The following CEMIP variants were observed in gnomAD, a reference collection of about 807,000 sequenced individuals.
CEMIP encodes the protein cell migration inducing hyaluronidase 1.
In CEMIP, 105 loss-of-function variants were observed where a neutral mutation model predicts 156.9. The ratio of observed to expected loss-of-function variants is 0.67; its 90% CI spans 0.57 to 0.79. The LOEUF (loss-of-function observed/expected upper bound fraction) is 0.79, where lower values mean the gene tolerates loss of function less well. CEMIP is among the 30% of genes least tolerant of loss of function. CEMIP has a pLI of 0.00. For synonymous variants in CEMIP, 676 were observed against 668.4 expected (o/e 1.01, Z -0.17); for missense variants, 1,457 against 1,769.4 (o/e 0.82, Z 3.17).
chr15:80,822,810 G>A (rs927184105), intron 1 of CEMIP, among the ~76,000 whole-genome samples: 2 of 152,140 alleles, frequency 1.3e-5, no homozygotes, highest in African/African-American at 4.8e-5. Flanking sequence ...TCTCCCCAAC[G>A]TGGTGCCATT....
At chr15:80,838,371 C>T (rs1033211788) in intron 1 of CEMIP, among the ~76,000 whole-genome samples, 10 of 151,952 alleles carry the variant, frequency 6.6e-5, no homozygotes, top group African/African-American at 2.2e-4. Context: ...CAGCCGTTTT[C>T]AAATGTTTGT....
chr15:80,922,152 G>C lies in CEMIP; in HGVS notation c.2202+15G>C. On this transcript the variant is annotated intron_variant, in intron 17 of 29. Coordinates refer to ENST00000394685, the MANE Select transcript of CEMIP (RefSeq NM_001293298.2). ...CCAACTACCGGGTAAGTCTTTCCAG[G>C]CTGCGCCTCTCTGGCCAGCCTCTCG... 6.2e-7 allele frequency: 1 copy of C among 1,613,904 alleles called. No individual in the cohort carries two copies. The highest frequency in any genetic ancestry group is 8.5e-7 in the Non-Finnish European group (1 of 1,179,856).
At chr15:80,922,484 G>A (rs1900513793) in intron 17 of CEMIP, among the ~76,000 whole-genome samples, 1 of 152,238 alleles carries the variant, frequency 6.6e-6, no homozygotes, top group Non-Finnish European at 1.5e-5. Flanking sequence ...GCGGGGCTGG[G>A]TGTAGCCTCA....
intron 1 of CEMIP, among the ~76,000 whole-genome samples, chr15:80,810,796 C>A (rs1443939214): frequency 2.4e-5 from 3 of 127,206 alleles, no homozygotes; most frequent in Admixed American, 8.8e-5. Context: ...TCCATGTTAT[C>A]CATTCAACCA....
chr15:80,780,985 G>A (rs1053115965), intron 1 of CEMIP, among the ~76,000 whole-genome samples: 3 of 152,208 alleles, frequency 2.0e-5, no homozygotes, highest in African/African-American at 7.2e-5. Flanking sequence ...GGTCCTAGCT[G>A]AGCCGGCAGT....
chr15:80,808,211 C>T (rs1191179363), intron 1 of CEMIP, among the ~76,000 whole-genome samples: 7 of 152,236 alleles, frequency 4.6e-5, no homozygotes, highest in East Asian at 1.9e-4. Context: ...GTTCAGTATC[C>T]GGCATGTTAG....
At chr15:80,840,791 G>A (rs558681101) in intron 1 of CEMIP, among the ~76,000 whole-genome samples, 1 of 152,302 alleles carries the variant, frequency 6.6e-6, no homozygotes, top group South Asian at 2.1e-4. Flanking sequence ...AGGACAGGAA[G>A]CCAGCGGTGT....
intron 1 of CEMIP, among the ~76,000 whole-genome samples, chr15:80,802,487 C>T (rs1896403083): frequency 6.6e-6 from 1 of 152,220 alleles, no homozygotes; most frequent in South Asian, 2.1e-4. Flanking sequence ...TCAGGCCCTG[C>T]CCACACACCC....
At chr15:80,917,781 C>T (rs1001011139) in intron 14 of CEMIP, among the ~76,000 whole-genome samples, 3 of 152,088 alleles carry the variant, frequency 2.0e-5, no homozygotes, top group Non-Finnish European at 4.4e-5. Flanking sequence ...GCTTATGTGA[C>T]CTTTGGCAAA....
At chr15:80,801,293 T>C (rs967568426) in intron 1 of CEMIP, among the ~76,000 whole-genome samples, 2 of 152,226 alleles carry the variant, frequency 1.3e-5, no homozygotes, top group African/African-American at 4.8e-5. Flanking sequence ...AACTCTGTTT[T>C]GTATCTATCG....
chr15:80,940,784 G>A (rs993207912), intron 25 of CEMIP, among the ~76,000 whole-genome samples: 8 of 152,218 alleles, frequency 5.3e-5, no homozygotes, highest in Admixed American at 1.3e-4. Flanking sequence ...ACAGCAGGGA[G>A]GAGGTAGCCT....
At chr15:80,876,604 G>C (rs1350839858) in intron 3 of CEMIP, among the ~76,000 whole-genome samples, 1 of 152,220 alleles carries the variant, frequency 6.6e-6, no homozygotes, top group Non-Finnish European at 1.5e-5. Context: ...TTGTTATGGG[G>C]CTGGAAGCAG....
chr15:80,829,798 T>C (rs1596117303), intron 1 of CEMIP, among the ~76,000 whole-genome samples: 1 of 152,156 alleles, frequency 6.6e-6, no homozygotes, highest in Admixed American at 6.5e-5. Flanking sequence ...ACCAAATACC[T>C]TTAAGGAGTA....
intron 1 of CEMIP, among the ~76,000 whole-genome samples, chr15:80,792,391 G>T (rs7183292): frequency 0.044 from 6,767 of 152,130 alleles, 510 homozygotes; most frequent in African/African-American, 0.15. Context: ...ACTGGGAAAG[G>T]GCATAAGCTT....
At chr15:80,821,227 G>A (rs547680954) in intron 1 of CEMIP, among the ~76,000 whole-genome samples, 2 of 152,184 alleles carry the variant, frequency 1.3e-5, no homozygotes, top group African/African-American at 4.8e-5. Flanking sequence ...GAGCATGGGA[G>A]ACTCATTATT....
chr15:80,920,164 A>G lies in CEMIP; in HGVS notation c.1868A>G (p.Asn623Ser). ...ACGGAAGATGGGCCGGAGGAACGCA[A>G]CACTTTTGACCACTGTCTTGGCCTC... ...FFTEDGPEERNTFDHCLGLLV... is the reference protein window; with the variant it reads ...FFTEDGPEERSTFDHCLGLLV... Residue 623 changes from asparagine to serine, a missense_variant, in exon 15 of 30, where the codon AAC becomes AGC. Physicochemically the swap from Asn to Ser is conservative, Grantham distance 46. Coordinates refer to ENST00000394685, the MANE Select transcript of CEMIP (RefSeq NM_001293298.2). 1 of 1,614,176 alleles carries G rather than the reference A, an allele frequency of 6.2e-7. No homozygotes were observed. Among genetic ancestry groups the G allele is most frequent in the Non-Finnish European group, 8.5e-7 (1 of 1,180,018 alleles).
intron 1 of CEMIP, among the ~76,000 whole-genome samples, chr15:80,861,231 C>T (rs1897979486): frequency 6.6e-6 from 1 of 152,126 alleles, no homozygotes; most frequent in African/African-American, 2.4e-5. Context: ...CTCCAGGCTG[C>T]ACTCCTATTC....
At position 80,881,032 on chromosome 15, in the gene CEMIP, T is replaced by C; in HGVS notation, c.513T>C (p.Gly171=). The C allele has an allele frequency of 1.2e-6, 2 of 1,614,140 alleles. No homozygotes were observed. Among genetic ancestry groups the C allele is most frequent in the Non-Finnish European group, 8.5e-7 (1 of 1,180,006 alleles). ...TTCTGAACAAGACCCTTCACCCAGGTGGCATGGCAGAAGGAGGCTATTTTT... is the reference window on the plus strand; with the variant it reads ...TTCTGAACAAGACCCTTCACCCAGGCGGCATGGCAGAAGGAGGCTATTTTT... ...WTFLNKTLHP[G]GMAEGGYFFE... Residue 171 remains glycine, a synonymous_variant, in exon 6 of 30, where the codon GGT becomes GGC. Transcript: ENST00000394685.
intron 12 of CEMIP, among the ~76,000 whole-genome samples, chr15:80,901,978 G>A (rs1454812280): frequency 6.6e-6 from 1 of 152,084 alleles, no homozygotes; most frequent in African/African-American, 2.4e-5. Flanking sequence ...TTGCTTTCTG[G>A]GGCCCTCCAG....
Sources: allele counts gnomAD v4.1 joint callset (sites outside exome capture counted in the v4.1 genomes callset), GRCh38; gene constraint gnomAD v4.1.1; transcripts MANE v1.5; gene names NCBI Gene and HGNC (gene_info 2026-07-23, HGNC 2026-07-21).